Variants in TTLL5 observed in about 807,000 individuals in gnomAD.
The protein encoded by TTLL5 is tubulin tyrosine ligase like 5.
Under a neutral mutation model 168.4 loss-of-function variants are expected in TTLL5, and 132 were observed. That is an observed-to-expected ratio of 0.78 (90% CI 0.68 to 0.91). The LOEUF (loss-of-function observed/expected upper bound fraction) is 0.91, where lower values mean the gene tolerates loss of function less well. Ranked by LOEUF, TTLL5 falls within the 40% of genes least tolerant of loss-of-function variation. The pLI is 0.00. For synonymous variants in TTLL5, 546 were observed against 558.6 expected (o/e 0.98, Z 0.32); for missense variants, 1,545 against 1,581.5 (o/e 0.98, Z 0.39).
At chr14:75,907,741 T>C (rs1035131628) in intron 31 of TTLL5, among the ~76,000 whole-genome samples, 2 of 152,348 alleles carry the variant, frequency 1.3e-5, no homozygotes, top group Middle Eastern at 3.4e-3. Flanking sequence ...GTTCTTTTGG[T>C]AATTCTTAGC....
intron 7 of TTLL5, among the ~76,000 whole-genome samples, chr14:75,699,601 A>G (rs1886112428): frequency 6.6e-6 from 1 of 152,178 alleles, no homozygotes; most frequent in Non-Finnish European, 1.5e-5. Context: ...TTGATAGCGT[A>G]TGTGTTTAGC....
At chr14:75,686,687 C>T (rs938341665) in intron 5 of TTLL5, among the ~76,000 whole-genome samples, 2 of 152,214 alleles carry the variant, frequency 1.3e-5, no homozygotes, top group African/African-American at 2.4e-5. Context: ...TCTCAATTTA[C>T]ATTCTACTTA....
chr14:75,895,289 T>C lies in TTLL5; in HGVS notation c.3741-6853T>C, dbSNP rs377606057. Among the ~76,000 whole-genome samples, 140 of 152,318 alleles carry C rather than the reference T, an allele frequency of 9.2e-4. 2 individuals carry two copies. The East Asian group carries it at 0.021, about 23-fold the overall frequency. On this transcript the variant is annotated intron_variant, in intron 30 of 31. Coordinates refer to ENST00000298832, the MANE Select transcript of TTLL5 (RefSeq NM_015072.5). ...ATTTTTTAACGCTGATTCTGAGCCC[T>C]GAAATTCATTTTACAACCCAATTAT...
At chr14:75,796,505 G>T (rs555028096) in intron 27 of TTLL5, among the ~76,000 whole-genome samples, 43 of 152,194 alleles carry the variant, frequency 2.8e-4, no homozygotes, top group African/African-American at 1.0e-3. Context: ...GCCTAAGCCA[G>T]TGTCTAGAAG....
At chr14:75,926,192 A>G (rs1595283159) in intron 31 of TTLL5, among the ~76,000 whole-genome samples, 2 of 39,432 alleles carry the variant, frequency 5.1e-5, no homozygotes, top group South Asian at 8.2e-4. Flanking sequence ...TTTGCTTTCC[A>G]TTTGCCTGGT....
intron 31 of TTLL5, among the ~76,000 whole-genome samples, chr14:75,916,390 C>CCAG (rs1467755603): frequency 6.6e-6 from 1 of 152,084 alleles, no homozygotes. Context: ...ACCTGTAATC[C>CCAG]CAGCACTTTG....
At chr14:75,826,296 TACACACACAC>T (rs57519882) in intron 28 of TTLL5, among the ~76,000 whole-genome samples, 20 of 139,444 alleles carry the variant, frequency 1.4e-4, no homozygotes, top group South Asian at 7.3e-4. Flanking sequence ...AGGATACGCG[TACACACACAC>T]ACACACACAC....
intron 18 of TTLL5, among the ~76,000 whole-genome samples, chr14:75,754,470 C>G (rs912807263): frequency 8.5e-5 from 13 of 152,164 alleles, no homozygotes; most frequent in Non-Finnish European, 1.9e-4. Context: ...AGGTCTGTTT[C>G]TGAACTGACA....
intron 1 of TTLL5, among the ~76,000 whole-genome samples, chr14:75,662,011 C>T (rs2140071042): frequency 6.6e-6 from 1 of 152,100 alleles, no homozygotes; most frequent in Middle Eastern, 3.4e-3. Flanking sequence ...GTTCCTATTT[C>T]TTCTTCTGAC....
chr14:75,712,322 C>G (rs527611411), intron 9 of TTLL5: 2 of 151,592 alleles, frequency 1.3e-5, no homozygotes, highest in African/African-American at 2.4e-5. Context: ...TGAAGGATAA[C>G]TCATGTGCCA....
rs143951017 is a variant in TTLL5 at position 75,874,076 on chromosome 14, C to CTTTATTTATTTA, written c.3523-8589_3523-8578dup. Among the ~76,000 whole-genome samples, 550 of 149,970 alleles carry CTTTATTTATTTA rather than the reference C, an allele frequency of 3.7e-3. 2 individuals carry two copies. The highest frequency in any genetic ancestry group is 0.015 in the East Asian group (74 of 5,096). ...TTAATACCATGATTAAATGGTTATT[C>CTTTATTTATTTA]TTTATTTATTTATTTATTTATTTAT... On this transcript the variant is annotated intron_variant, in intron 29 of 31. Coordinates refer to ENST00000298832, the MANE Select transcript of TTLL5 (RefSeq NM_015072.5).
intron 30 of TTLL5, among the ~76,000 whole-genome samples, chr14:75,893,719 G>A (rs1412944769): frequency 1.3e-5 from 2 of 150,968 alleles, no homozygotes; most frequent in Non-Finnish European, 2.9e-5. Context: ...TCAGGATGCT[G>A]AGGCAGGAGA....
At chr14:75,816,974 ATTTTTTTTTTTT>A (rs35736530) in intron 27 of TTLL5, among the ~76,000 whole-genome samples, 1 of 96,086 alleles carries the variant, frequency 1.0e-5, no homozygotes, top group South Asian at 3.6e-4. Flanking sequence ...TCCCTGTCTT[ATTTTTTTTTTTT>A]TTTTTTTTTT....
intron 10 of TTLL5, among the ~76,000 whole-genome samples, 186 bp downstream of exon 10, chr14:75,718,148 C>A (rs546795372): frequency 3.5e-4 from 54 of 152,322 alleles, no homozygotes; most frequent in Non-Finnish European, 6.5e-4. Flanking sequence ...ATTGCCTCCC[C>A]GGTTAACGGT....
intron 21 of TTLL5, among the ~76,000 whole-genome samples, chr14:75,773,957 A>AAGAGAGAAAGAG (rs1891539585): frequency 4.6e-5 from 2 of 43,352 alleles, no homozygotes; most frequent in East Asian, 6.4e-4. Flanking sequence ...GAGAGAGAGA[A>AAGAGAGAAAGAG]AGAGAGAGAG....
At chr14:75,934,339 T>C (rs2034369688) in intron 31 of TTLL5, among the ~76,000 whole-genome samples, 1 of 152,168 alleles carries the variant, frequency 6.6e-6, no homozygotes, top group Non-Finnish European at 1.5e-5. Flanking sequence ...TAAGTTAAAG[T>C]AAAGCATTTA....
intron 31 of TTLL5, among the ~76,000 whole-genome samples, chr14:75,914,017 G>GAAAGAAAA (rs1555356348): frequency 3.2e-5 from 1 of 31,054 alleles, no homozygotes; most frequent in Admixed American, 5.5e-4. Context: ...TGTTTAAAAG[G>GAAAGAAAA]AAAAAAAAAA....
At chr14:75,889,740 G>A (rs1294499352) in intron 30 of TTLL5, among the ~76,000 whole-genome samples, 2 of 150,606 alleles carry the variant, frequency 1.3e-5, no homozygotes, top group Non-Finnish European at 2.9e-5. Context: ...TGAGGCATGA[G>A]AATCGCTCGA....
chr14:75,669,553 G>A (rs757956196), intron 3 of TTLL5, 31 bp downstream of exon 3: 5 of 1,593,554 alleles, frequency 3.1e-6, no homozygotes, highest in Non-Finnish European at 4.3e-6. Context: ...AGAGGACGGA[G>A]CTGGGCATGG....
Sources: gnomAD v4.1 joint callset for allele counts (sites outside exome capture counted in the v4.1 genomes callset) on GRCh38, gnomAD v4.1.1 for gene constraint, MANE v1.5 for transcripts, NCBI Gene and HGNC (gene_info 2026-07-23, HGNC 2026-07-21) for gene names.